Variants in SHISA9 observed in about 807,000 individuals in gnomAD.
The protein encoded by SHISA9 is protein shisa-9.
Under a neutral mutation model 38.0 loss-of-function variants are expected in SHISA9, and 13 were observed. That is an observed-to-expected ratio of 0.34 (90% confidence interval 0.22 to 0.54). SHISA9 has a LOEUF of 0.54. Among genes scored for constraint, SHISA9 ranks in the 20% least tolerant of loss-of-function variants. SHISA9 has a pLI of 0.91. For missense variants in SHISA9, 538 were observed against 575.8 expected, an observed-to-expected ratio of 0.93 and a Z score of 0.67; for synonymous variants, 275 against 242.0, an observed-to-expected ratio of 1.14 and a Z score of -1.27.
At chr16:13,068,594 C>T (rs918351021) in intron 2 of SHISA9, among the ~76,000 whole-genome samples, 1 of 152,202 alleles carries the variant, frequency 6.6e-6, no homozygotes, top group South Asian at 2.1e-4. Context: ...CTAGCAGCTC[C>T]GTAAACAAAC....
chr16:12,931,177 T>G (rs2071456873), intron 2 of SHISA9, among the ~76,000 whole-genome samples: 1 of 152,242 alleles, frequency 6.6e-6, no homozygotes, highest in Non-Finnish European at 1.5e-5. Flanking sequence ...TATTATGTAG[T>G]GGATACAGGG....
At chr16:13,520,395 C>T in the SHISA9 span, among the ~76,000 whole-genome samples, 2 of 151,596 alleles carry the variant, frequency 1.3e-5, no homozygotes, top group African/African-American at 2.4e-5. Context: ...GTTGAGAGAT[C>T]GAGACCACCC....
At chr16:13,289,623 T>C in the SHISA9 span, among the ~76,000 whole-genome samples, 2 of 148,238 alleles carry the variant, frequency 1.3e-5, no homozygotes, top group Admixed American at 6.7e-5. Context: ...AGGAGAAAAA[T>C]TGGGTAGGGA....
intron 2 of SHISA9, among the ~76,000 whole-genome samples, chr16:12,927,609 A>C (rs1011673081): frequency 7.5e-4 from 110 of 146,846 alleles, no homozygotes; most frequent in African/African-American, 2.7e-3. Context: ...GGGTCTTGCT[A>C]TGTTGCCCAG....
intron 2 of SHISA9, among the ~76,000 whole-genome samples, chr16:13,003,886 T>TAAGAAGAAGAAG (rs758652679): frequency 1.4e-5 from 2 of 146,038 alleles, no homozygotes; most frequent in African/African-American, 5.1e-5. Flanking sequence ...ATAATAATAA[T>TAAGAAGAAGAAG]AATAAGAAGA....
chr16:12,911,372 T>C, intron 1 of SHISA9: 2 of 985,482 alleles, frequency 2.0e-6, no homozygotes, highest in Non-Finnish European at 2.4e-6. Context: ...ATTACATTTT[T>C]TCAGCACATT....
At chr16:13,352,738 G>A in the SHISA9 span, among the ~76,000 whole-genome samples, 2 of 146,068 alleles carry the variant, frequency 1.4e-5, no homozygotes, top group African/African-American at 2.6e-5. Context: ...GATTTGGGTA[G>A]GTAAAGGAAA....
At chr16:13,478,751 G>T in the SHISA9 span, among the ~76,000 whole-genome samples, 3 of 152,136 alleles carry the variant, frequency 2.0e-5, no homozygotes, top group East Asian at 3.9e-4. Flanking sequence ...ATCGGTACAG[G>T]CTAGATAATT....
chr16:13,003,990 A>C (rs970708551), intron 2 of SHISA9, among the ~76,000 whole-genome samples: 2 of 152,314 alleles, frequency 1.3e-5, no homozygotes, highest in African/African-American at 4.8e-5. Flanking sequence ...TGCTTTCTTT[A>C]CAACTTCTGT....
At chr16:13,478,707 A>G in the SHISA9 span, among the ~76,000 whole-genome samples, 6 of 152,350 alleles carry the variant, frequency 3.9e-5, no homozygotes, top group East Asian at 1.2e-3. Flanking sequence ...TCTGGATTTC[A>G]TCTTCTTACA....
the SHISA9 span, among the ~76,000 whole-genome samples, chr16:13,280,886 C>T: frequency 1.3e-5 from 2 of 151,668 alleles, no homozygotes; most frequent in East Asian, 1.9e-4. Context: ...AAATAAAAAC[C>T]ACTCTGTGCA....
At chr16:13,541,320 G>A in the SHISA9 span, among the ~76,000 whole-genome samples, 5 of 152,304 alleles carry the variant, frequency 3.3e-5, no homozygotes, top group African/African-American at 7.2e-5. Flanking sequence ...ATGAGCTGGA[G>A]AATGGGAACC....
chr16:13,524,170 TC>T, the SHISA9 span, among the ~76,000 whole-genome samples: 4 of 152,130 alleles, frequency 2.6e-5, no homozygotes, highest in Non-Finnish European at 5.9e-5. Context: ...AATCTTAGCA[TC>T]CAGGACATAG....
chr16:13,264,568 C>T, the SHISA9 span, among the ~76,000 whole-genome samples: 86,164 of 151,912 alleles, frequency 0.57, 25,047 homozygotes, highest in African/African-American at 0.68. Context: ...AAACATTTTG[C>T]GCTTCAAAGG....
At chr16:13,371,096 G>T in the SHISA9 span, among the ~76,000 whole-genome samples, 1 of 152,128 alleles carries the variant, frequency 6.6e-6, no homozygotes. Flanking sequence ...ACAATCCTAC[G>T]TGGTAGATTT....
chr16:13,154,042 G>T (rs1407272453), intron 2 of SHISA9, among the ~76,000 whole-genome samples: 4 of 152,084 alleles, frequency 2.6e-5, no homozygotes, highest in African/African-American at 9.7e-5. Flanking sequence ...TTTTTGCAAG[G>T]ATTTTGGCAG....
chr16:13,409,008 A>C, the SHISA9 span, among the ~76,000 whole-genome samples: 4 of 152,130 alleles, frequency 2.6e-5, no homozygotes, highest in Admixed American at 2.0e-4. Context: ...ACACCCCACT[A>C]TCCTGTACCC....
At chr16:13,247,640 G>A in the SHISA9 span, among the ~76,000 whole-genome samples, 1 of 152,096 alleles carries the variant, frequency 6.6e-6, no homozygotes, top group South Asian at 2.1e-4. Context: ...TGTCAGCTTG[G>A]CATCTCACTT....
chr16:13,498,315 T>C, the SHISA9 span, among the ~76,000 whole-genome samples: 1 of 152,230 alleles, frequency 6.6e-6, no homozygotes, highest in Admixed American at 6.5e-5. Flanking sequence ...TACCCCTCAA[T>C]GCTAGTAGTG....
Sources: gnomAD v4.1 joint callset for allele counts (sites outside exome capture counted in the v4.1 genomes callset) on GRCh38, gnomAD v4.1.1 for gene constraint, MANE v1.5 for transcripts, NCBI Gene and HGNC (gene_info 2026-07-23, HGNC 2026-07-21) for gene names.